Variants in IL1RAPL2 observed in about 807,000 individuals in gnomAD.
IL1RAPL2 encodes X-linked interleukin-1 receptor accessory protein-like 2.
IL1RAPL2 carries 3 observed loss-of-function variants against 44.1 expected under a neutral mutation model. The ratio of observed to expected loss-of-function variants is 0.07; its 90% CI spans 0.03 to 0.18. The LOEUF (loss-of-function observed/expected upper bound fraction) is 0.18. IL1RAPL2 is among the 10% of genes least tolerant of loss of function. The probability of loss-of-function intolerance (pLI) is 1.00; values close to 1 mark genes in which losing one functional copy is unlikely to be tolerated. For synonymous variants in IL1RAPL2, 181 were observed against 178.8 expected (o/e 1.01, Z -0.10); for missense variants, 391 against 496.4 (o/e 0.79, Z 2.02).
At chrX:104,581,971 G>C in intron 1 of IL1RAPL2, among the ~76,000 whole-genome samples, 1 of 111,997 alleles carries the variant, frequency 8.9e-6, no homozygotes, top group South Asian at 3.7e-4. Flanking sequence ...AAGAATGGAA[G>C]GTAAAAACTG....
At chrX:105,006,482 T>C (rs184243529) in intron 2 of IL1RAPL2, among the ~76,000 whole-genome samples, 372 of 111,044 alleles carry the variant, frequency 3.4e-3, no homozygotes, top group Middle Eastern at 0.014. Context: ...TTCAAACATA[T>C]GTTTTATTAA....
chrX:104,990,900 A>G (rs1468718043), intron 2 of IL1RAPL2, among the ~76,000 whole-genome samples: 1 of 111,384 alleles, frequency 9.0e-6, no homozygotes, highest in East Asian at 2.8e-4. Context: ...GTCTATCCCT[A>G]TAGAATTTCT....
chrX:105,278,933 A>C (rs2034506840), intron 5 of IL1RAPL2, among the ~76,000 whole-genome samples: 1 of 111,311 alleles, frequency 9.0e-6, no homozygotes, highest in Admixed American at 9.6e-5. Flanking sequence ...CATGTTTTAC[A>C]TTTCCGTAAT....
intron 2 of IL1RAPL2, among the ~76,000 whole-genome samples, chrX:104,895,828 C>T (rs189430390): frequency 8.9e-6 from 1 of 111,805 alleles, no homozygotes; most frequent in African/African-American, 3.3e-5. Flanking sequence ...GTGAGATGAA[C>T]CTGGTACCTC....
intron 2 of IL1RAPL2, among the ~76,000 whole-genome samples, chrX:104,731,297 C>T (rs1190886663): frequency 1.8e-5 from 2 of 110,128 alleles, no homozygotes; most frequent in African/African-American, 6.6e-5. Flanking sequence ...CTTGCCCATG[C>T]CTATGTCCTG....
intron 2 of IL1RAPL2, among the ~76,000 whole-genome samples, chrX:104,959,589 G>T (rs1284236303): frequency 9.0e-6 from 1 of 111,390 alleles, no homozygotes; most frequent in Non-Finnish European, 1.9e-5. Flanking sequence ...ATGTGTGCTT[G>T]TTTGACTTAG....
At chrX:104,972,670 T>A (rs1012411860) in intron 2 of IL1RAPL2, among the ~76,000 whole-genome samples, 1 of 111,632 alleles carries the variant, frequency 9.0e-6, no homozygotes, top group African/African-American at 3.3e-5. Context: ...AATTGGGAGA[T>A]CAAACAGTAT....
chrX:104,575,297 A>G (rs1202124659), intron 1 of IL1RAPL2, among the ~76,000 whole-genome samples: 3 of 111,606 alleles, frequency 2.7e-5, no homozygotes, highest in African/African-American at 9.7e-5. Flanking sequence ...CAATTGTAAT[A>G]TTTGATATGT....
chrX:104,629,718 T>G (rs768614217), intron 1 of IL1RAPL2, among the ~76,000 whole-genome samples: 3 of 111,756 alleles, frequency 2.7e-5, no homozygotes, highest in African/African-American at 9.8e-5. Flanking sequence ...TGGTGAGAGA[T>G]AGGGATCCAG....
intron 3 of IL1RAPL2, among the ~76,000 whole-genome samples, chrX:105,197,363 C>A (rs1345274743): frequency 2.7e-5 from 3 of 111,924 alleles, no homozygotes; most frequent in African/African-American, 9.8e-5. Flanking sequence ...AATTATCTCT[C>A]TTCTCCTCCC....
intron 2 of IL1RAPL2, among the ~76,000 whole-genome samples, chrX:104,924,748 A>G (rs904305934): frequency 1.8e-5 from 2 of 111,314 alleles, no homozygotes; most frequent in Non-Finnish European, 3.8e-5. Context: ...AAAAAGGTAG[A>G]AAGATCTCAA....
intron 4 of IL1RAPL2, among the ~76,000 whole-genome samples, chrX:105,247,627 G>A (rs2034232395): frequency 9.2e-6 from 1 of 108,184 alleles, no homozygotes; most frequent in African/African-American, 3.4e-5. Flanking sequence ...GTGTGTGTGT[G>A]TGTGTGTGTG....
At chrX:104,627,718 G>A (rs1316839812) in intron 1 of IL1RAPL2, among the ~76,000 whole-genome samples, 1 of 110,984 alleles carries the variant, frequency 9.0e-6, no homozygotes, top group African/African-American at 3.3e-5. Context: ...TGATGACCTG[G>A]TACATTTCAA....
intron 2 of IL1RAPL2, among the ~76,000 whole-genome samples, chrX:104,888,768 A>G (rs73635166): frequency 9.0e-6 from 1 of 111,502 alleles, no homozygotes; most frequent in African/African-American, 3.3e-5. Flanking sequence ...TACCCTAGTT[A>G]TGAAGGAAAA....
chrX:105,489,989 A>G (rs1448381585), intron 6 of IL1RAPL2, among the ~76,000 whole-genome samples: 8 of 108,882 alleles, frequency 7.3e-5, no homozygotes, highest in Non-Finnish European at 1.5e-4. Flanking sequence ...CACCACGCCC[A>G]GATAATTTTT....
chrX:105,279,473 TTTTG>T (rs1433087329), intron 5 of IL1RAPL2, among the ~76,000 whole-genome samples: 3 of 111,207 alleles, frequency 2.7e-5, no homozygotes, highest in African/African-American at 6.6e-5. Flanking sequence ...TTTTATTATT[TTTTG>T]TTTGTTTGTT....
At chrX:104,857,156 C>G (rs1333330882) in intron 2 of IL1RAPL2, among the ~76,000 whole-genome samples, 3 of 111,927 alleles carry the variant, frequency 2.7e-5, no homozygotes, top group Non-Finnish European at 5.6e-5. Context: ...TCTTATGGGT[C>G]ACAGAACAAA....
At chrX:105,040,794 G>T (rs1238998563) in intron 2 of IL1RAPL2, among the ~76,000 whole-genome samples, 1 of 106,698 alleles carries the variant, frequency 9.4e-6, no homozygotes, top group African/African-American at 3.5e-5. Flanking sequence ...TCTTGCTAGC[G>T]GTCTATCAAT....
chrX:105,209,166 G>T (rs2033788570), intron 3 of IL1RAPL2, among the ~76,000 whole-genome samples: 1 of 111,919 alleles, frequency 8.9e-6, no homozygotes, highest in African/African-American at 3.2e-5. Flanking sequence ...ATTTAGGGAA[G>T]CTTCTATATT....
Sources: gnomAD v4.1 joint callset for allele counts (sites outside exome capture counted in the v4.1 genomes callset) on GRCh38, gnomAD v4.1.1 for gene constraint, MANE v1.5 for transcripts, NCBI Gene and HGNC (gene_info 2026-07-23, HGNC 2026-07-21) for gene names.